Variants in COL19A1 observed in about 807,000 individuals in gnomAD.
COL19A1 encodes collagen alpha-1(XIX) chain.
COL19A1 carries 159 observed loss-of-function variants against 190.2 expected under a neutral mutation model. The ratio of observed to expected loss-of-function variants is 0.84; its 90% confidence interval spans 0.73 to 0.95. COL19A1 has a LOEUF of 0.95. COL19A1 is among the 40% of genes least tolerant of loss of function. The pLI is 0.00. For synonymous variants in COL19A1, 509 were observed against 458.9 expected, an observed-to-expected ratio of 1.11 and a Z score of -1.39; for missense variants, 1,418 against 1,431.9, an observed-to-expected ratio of 0.99 and a Z score of 0.16.
intron 11 of COL19A1, among the ~76,000 whole-genome samples, chr6:69,982,177 G>T (rs1167111459): frequency 6.6e-6 from 1 of 152,054 alleles, no homozygotes; most frequent in Non-Finnish European, 1.5e-5. Flanking sequence ...TGGTCTATTT[G>T]TCTACACTTT....
intron 25 of COL19A1, among the ~76,000 whole-genome samples, chr6:70,145,217 G>A (rs944879423): frequency 2.6e-5 from 4 of 152,064 alleles, no homozygotes; most frequent in African/African-American, 9.7e-5. Flanking sequence ...AAAAAAGACA[G>A]ATGTATTCGT....
intron 4 of COL19A1, among the ~76,000 whole-genome samples, chr6:69,914,905 A>C (rs982697918): frequency 6.6e-6 from 1 of 152,210 alleles, no homozygotes. Context: ...TGAGCACTGA[A>C]ATTATAAAAG....
chr6:70,020,464 G>T (rs1192820363), intron 11 of COL19A1, among the ~76,000 whole-genome samples: 5 of 151,812 alleles, frequency 3.3e-5, no homozygotes, highest in African/African-American at 1.2e-4. Context: ...TTATTTTTAA[G>T]TTGGTTTTCT....
chr6:69,934,871 G>A (rs1186553244), intron 7 of COL19A1, among the ~76,000 whole-genome samples: 4 of 151,932 alleles, frequency 2.6e-5, no homozygotes, highest in Non-Finnish European at 4.4e-5. Flanking sequence ...AAATGCATCT[G>A]CTCTACTTCC....
In COL19A1 at chr6:70,156,130, T is replaced by C; in HGVS notation, c.2083T>C (p.Phe695Leu). The part of the protein sequence containing the change: ...LGDIGALLKN[F>L]CGNCQASVPG... ...ACCTTATCTTTATACTCATTAGAAT[T>C]TCTGTGGCAACTGCCAAGCCAGTGT... The change falls in exon 32 of 51, where the codon TTC (phenylalanine) becomes CTC (leucine). Residue 695 changes from phenylalanine to leucine, a missense_variant. Physicochemically the swap from Phe to Leu is conservative, Grantham distance 22. Coordinates refer to ENST00000620364, the MANE Select transcript of COL19A1 (RefSeq NM_001858.6). The C allele has an allele frequency of 6.2e-7, 1 of 1,612,646 alleles. No individual in the cohort carries two copies. The highest frequency in any genetic ancestry group is 8.5e-7 in the Non-Finnish European group (1 of 1,179,312).
At chr6:69,945,993 C>G (rs920121981) in intron 9 of COL19A1, among the ~76,000 whole-genome samples, 1 of 151,878 alleles carries the variant, frequency 6.6e-6, no homozygotes, top group Admixed American at 6.6e-5. Flanking sequence ...CCCTGCTTGG[C>G]AGTTAGACAG....
At chr6:69,939,626 T>C (rs987040067) in intron 9 of COL19A1, among the ~76,000 whole-genome samples, 1 of 152,126 alleles carries the variant, frequency 6.6e-6, no homozygotes, top group Admixed American at 6.6e-5. Flanking sequence ...TGCGATATTT[T>C]ACTCTTAAAA....
intron 9 of COL19A1, among the ~76,000 whole-genome samples, chr6:69,957,990 C>T (rs562708462): frequency 2.4e-4 from 37 of 152,230 alleles, no homozygotes; most frequent in Admixed American, 7.2e-4. Context: ...AGAGCAGAGA[C>T]CATTTAATGC....
chr6:70,188,205 A>G lies in COL19A1; in HGVS notation c.2987A>G (p.His996Arg), dbSNP rs1262350697. 1.7e-5 allele frequency: 28 copies of G among 1,612,696 alleles called. No individual in the cohort carries two copies. Among genetic ancestry groups the G allele is most frequent in the Non-Finnish European group, 2.3e-5 (27 of 1,179,522 alleles). Reference sequence around the variant, plus strand: ...AAGGGCTCCATGGGATCCCCTGGCCACCAAGGCCCTCCAGGCTCTCCAGGC... The same window carrying G: ...AAGGGCTCCATGGGATCCCCTGGCCGCCAAGGCCCTCCAGGCTCTCCAGGC... The part of the protein sequence containing the change: ...GNKGSMGSPG[H>R]QGPPGSPGIP... Residue 996 changes from histidine to arginine, a missense_variant, in exon 47 of 51, where the codon CAC becomes CGC. His to Arg is a conservative substitution (Grantham distance 29, BLOSUM62 0). Coordinates refer to ENST00000620364, the MANE Select transcript of COL19A1 (RefSeq NM_001858.6).
chr6:69,944,110 C>T lies in COL19A1; in HGVS notation c.936+6010C>T, dbSNP rs12195221. Among the ~76,000 whole-genome samples the T allele has an allele frequency of 1.4e-3, 209 of 152,214 alleles. 1 individual carries two copies. The highest frequency in any genetic ancestry group is 6.8e-3 in the Middle Eastern group (2 of 294). ...TTATGTATGCCTGAAGTGTCCTTGT[C>T]CACATCCACTTGGCTCGCTCTCTTC... On this transcript the variant is annotated intron_variant, in intron 9 of 50. Transcript: ENST00000620364.
At chr6:70,058,529 T>G (rs373550436) in intron 14 of COL19A1, among the ~76,000 whole-genome samples, 4 of 152,054 alleles carry the variant, frequency 2.6e-5, no homozygotes, top group African/African-American at 7.2e-5. Context: ...GACGCTAGTG[T>G]TCCTTGTTTC....
chr6:69,990,817 G>A (rs1239470924), intron 11 of COL19A1, among the ~76,000 whole-genome samples: 1 of 151,926 alleles, frequency 6.6e-6, no homozygotes, highest in Non-Finnish European at 1.5e-5. Context: ...CAATATCTAG[G>A]CCAATTAATT....
chr6:69,981,826 G>C (rs1003513264), intron 11 of COL19A1, among the ~76,000 whole-genome samples: 22 of 151,990 alleles, frequency 1.4e-4, no homozygotes, highest in African/African-American at 3.4e-4. Flanking sequence ...GTCTTGCAAA[G>C]AAAACATTTT....
intron 4 of COL19A1, among the ~76,000 whole-genome samples, chr6:69,907,873 G>A (rs951718165): frequency 2.0e-5 from 3 of 152,178 alleles, no homozygotes; most frequent in African/African-American, 7.2e-5. Flanking sequence ...GCTAGGTTCT[G>A]AGCTTACATT....
rs370136850 is a variant in COL19A1, at chr6:69,997,014, C to CATATATAT, written c.1027-26607_1027-26600dup. Among the ~76,000 whole-genome samples, 523 of 142,692 alleles carry CATATATAT rather than the reference C, an allele frequency of 3.7e-3. 6 individuals carry two copies. Among genetic ancestry groups the CATATATAT allele is most frequent in the East Asian group, 0.017 (83 of 4,952 alleles). 93.6% of individuals were successfully genotyped at this position (142,692 alleles called of 152,430 possible). ...GTATGTGTGTGTGTGTTTATATATA[C>CATATATAT]ATATATATATATAGAGAGAGAGAGA... On this transcript the variant is annotated intron_variant, in intron 11 of 50. Coordinates refer to ENST00000620364, the MANE Select transcript of COL19A1 (RefSeq NM_001858.6).
At chr6:69,881,523 C>T (rs1768554590) in intron 2 of COL19A1, among the ~76,000 whole-genome samples, 1 of 152,150 alleles carries the variant, frequency 6.6e-6, no homozygotes, top group Non-Finnish European at 1.5e-5. Flanking sequence ...TCTTGGGATT[C>T]CCCTGAATGT....
In COL19A1 at chr6:70,052,450, C is replaced by G. The variant is rs140353690; in HGVS notation, c.1171-15973C>G. Among the ~76,000 whole-genome samples the G allele has an allele frequency of 2.5e-3, 379 of 152,326 alleles. 8 individuals are homozygous for G. Among genetic ancestry groups the G allele is most frequent in the African/African-American group, 8.7e-3 (363 of 41,582 alleles). On this transcript the variant is annotated intron_variant, in intron 14 of 50. Coordinates refer to ENST00000620364, the MANE Select transcript of COL19A1 (RefSeq NM_001858.6). The stretch of plus-strand genomic sequence containing the variant: ...TGAACAAATATTAGCAAATGTTGCT[C>G]TTTTGTTTACCACACCATGGCTAAC...
chr6:70,150,010 G>A lies in COL19A1; in HGVS notation c.2002G>A (p.Gly668Arg). 1 of 1,613,778 alleles carries A rather than the reference G, an allele frequency of 6.2e-7. No homozygotes were observed. The highest frequency in any genetic ancestry group is 8.5e-7 in the Non-Finnish European group (1 of 1,179,806). ...TTTTCAGGGAGTTCCAGGGAGAGAT[G>A]GAAAGCCAGGCCTGCCAGGCCCCCC... ...PGNDGVPGRDGKPGLPGPPGD... is the reference protein window; with the variant it reads ...PGNDGVPGRDRKPGLPGPPGD... The change falls in exon 30 of 51, where the codon GGA becomes AGA. Residue 668 changes from glycine to arginine, a missense_variant. By Grantham distance (125) the Gly-to-Arg change is moderately radical. Transcript: ENST00000620364.
At chr6:70,159,443 G>C (rs1322245191) in intron 34 of COL19A1, among the ~76,000 whole-genome samples, 6 of 149,120 alleles carry the variant, frequency 4.0e-5, no homozygotes, top group African/African-American at 1.5e-4. Flanking sequence ...CACACACACA[G>C]CACTGCCAAT....
Sources: gnomAD v4.1 joint callset for allele counts (sites outside exome capture counted in the v4.1 genomes callset) on GRCh38, gnomAD v4.1.1 for gene constraint, MANE v1.5 for transcripts, NCBI Gene and HGNC (gene_info 2026-07-23, HGNC 2026-07-21) for gene names.